ZFPM2: variants seen among roughly 807,000 people sequenced by gnomAD.
ZFPM2 encodes the protein zinc finger protein ZFPM2.
In ZFPM2, 20 loss-of-function variants were observed where a neutral mutation model predicts 98.6. That is an observed-to-expected ratio of 0.20 (90% confidence interval 0.14 to 0.29). The LOEUF is 0.29. Among genes scored for constraint, ZFPM2 ranks in the 10% least tolerant of loss-of-function variants. ZFPM2 has a pLI of 1.00. For synonymous variants in ZFPM2, 518 were observed against 502.7 expected (o/e 1.03, Z -0.41); for missense variants, 1,310 against 1,388.6 (o/e 0.94, Z 0.90).
At chr8:105,489,446 TTTTATATA>T (rs1269986760) in intron 3 of ZFPM2, among the ~76,000 whole-genome samples, 2 of 74,716 alleles carry the variant, frequency 2.7e-5, no homozygotes, top group African/African-American at 1.1e-4. Flanking sequence ...AGATATATGT[TTTTATATA>T]TATATATATA....
chr8:105,521,190 C>T (rs1814051240), intron 3 of ZFPM2, among the ~76,000 whole-genome samples: 1 of 151,856 alleles, frequency 6.6e-6, no homozygotes, highest in South Asian at 2.1e-4. Context: ...CACACCTCCC[C>T]CCCATACACA....
At chr8:105,575,860 G>T (rs1054909501) in intron 4 of ZFPM2, among the ~76,000 whole-genome samples, 1 of 152,076 alleles carries the variant, frequency 6.6e-6, no homozygotes, top group Non-Finnish European at 1.5e-5. Context: ...TCATAATGCT[G>T]ATTCCATTTT....
intron 3 of ZFPM2, among the ~76,000 whole-genome samples, chr8:105,528,461 A>C (rs568758899): frequency 6.6e-6 from 1 of 152,270 alleles, no homozygotes; most frequent in East Asian, 1.9e-4. Flanking sequence ...TCAGCATTTT[A>C]TACACAGGGA....
At chr8:105,334,809 T>C (rs1263982763) in intron 1 of ZFPM2, among the ~76,000 whole-genome samples, 2 of 151,704 alleles carry the variant, frequency 1.3e-5, no homozygotes, top group African/African-American at 4.8e-5. Context: ...AAATTGGCCC[T>C]GGGCCCAATG....
chr8:105,435,744 AT>A (rs1294186297), intron 2 of ZFPM2, among the ~76,000 whole-genome samples: 2 of 152,146 alleles, frequency 1.3e-5, no homozygotes, highest in Non-Finnish European at 2.9e-5. Flanking sequence ...ATAAAATTGT[AT>A]TTATAACTTT....
intron 1 of ZFPM2, among the ~76,000 whole-genome samples, chr8:105,353,864 T>G (rs1428750850): frequency 6.6e-6 from 1 of 152,220 alleles, no homozygotes; most frequent in Non-Finnish European, 1.5e-5. Context: ...TTGTTTGTTT[T>G]TAGTTTCTAG....
At chr8:105,586,530 C>T (rs756966901) in intron 4 of ZFPM2, among the ~76,000 whole-genome samples, 5 of 152,024 alleles carry the variant, frequency 3.3e-5, no homozygotes, top group Non-Finnish European at 7.4e-5. Context: ...TCAAGTGATT[C>T]ATCTGCCTCA....
intron 3 of ZFPM2, among the ~76,000 whole-genome samples, chr8:105,463,934 T>C (rs1268732073): frequency 1.3e-5 from 2 of 152,062 alleles, no homozygotes; most frequent in Non-Finnish European, 2.9e-5. Context: ...GCCATGAATT[T>C]TGTGAGGAAT....
At chr8:105,659,772 GATA>G (rs1332952242) in intron 5 of ZFPM2, among the ~76,000 whole-genome samples, 1 of 152,032 alleles carries the variant, frequency 6.6e-6, no homozygotes, top group African/African-American at 2.4e-5. Context: ...TTTAGACAAG[GATA>G]ATAATTTCTG....
At chr8:105,548,262 C>A (rs1814758888) in intron 3 of ZFPM2, among the ~76,000 whole-genome samples, 1 of 151,930 alleles carries the variant, frequency 6.6e-6, no homozygotes, top group South Asian at 2.1e-4. Context: ...ATATTAATTT[C>A]AGGAGTTCAT....
At position 105,729,839 on chromosome 8, in the gene ZFPM2, T is replaced by C. The variant is rs554657105; in HGVS notation, c.533-58879T>C. Among the ~76,000 whole-genome samples, 16 of 151,630 alleles carry C rather than the reference T, an allele frequency of 1.1e-4. No homozygotes were observed. The East Asian group carries it at 3.1e-3, about 30-fold the overall frequency. On this transcript the variant is annotated intron_variant, in intron 5 of 7. Coordinates refer to ENST00000407775, the MANE Select transcript of ZFPM2 (RefSeq NM_012082.4). ...AATTTGTTTTTCATTATGTGTCTAC[T>C]TGTGTTTGCACAGGTATATGCATAC...
chr8:105,406,732 C>A (rs1490302844), intron 1 of ZFPM2, among the ~76,000 whole-genome samples: 1 of 151,864 alleles, frequency 6.6e-6, no homozygotes, highest in African/African-American at 2.4e-5. Context: ...TTGAGAGTGG[C>A]GCTTGAAAGG....
intron 1 of ZFPM2, among the ~76,000 whole-genome samples, chr8:105,360,453 G>A (rs1812834623): frequency 6.6e-6 from 1 of 152,018 alleles, no homozygotes; most frequent in Non-Finnish European, 1.5e-5. Context: ...TTAAAAGAAT[G>A]GGGAACATAC....
intron 5 of ZFPM2, among the ~76,000 whole-genome samples, chr8:105,771,820 C>G (rs1194006036): frequency 1.3e-5 from 2 of 152,122 alleles, no homozygotes; most frequent in African/African-American, 4.8e-5. Context: ...GTTACAATGA[C>G]TTGGAGCCCC....
chr8:105,643,686 A>G (rs2130855139), intron 5 of ZFPM2, among the ~76,000 whole-genome samples: 1 of 152,314 alleles, frequency 6.6e-6, no homozygotes, highest in Middle Eastern at 3.4e-3. Context: ...AGCCCTCAGT[A>G]TACGTGGTCT....
rs1038812478 is a variant in ZFPM2 at position 105,639,127 on chromosome 8, G to C, written c.532+4770G>C. On this transcript the variant is annotated intron_variant, in intron 5 of 7. Transcript: ENST00000407775. ...CTGCTGGAGAGTAGGGTGAGCAAAG[G>C]CCTGCCCACTTACTCCTAAAATCCA... is the stretch of plus-strand genomic sequence containing the variant. Among the ~76,000 whole-genome samples, 51 of 151,948 alleles carry C rather than the reference G, an allele frequency of 3.4e-4. 1 individual carries two copies. Among genetic ancestry groups the C allele is most frequent in the Admixed American group, 2.0e-4 (3 of 15,228 alleles).
chr8:105,631,008 T>C (rs1399208878), intron 4 of ZFPM2, among the ~76,000 whole-genome samples: 1 of 152,192 alleles, frequency 6.6e-6, no homozygotes, highest in African/African-American at 2.4e-5. Context: ...GAAACAAAGC[T>C]AATATAAATA....
chr8:105,598,678 T>G (rs1816024614), intron 4 of ZFPM2, among the ~76,000 whole-genome samples: 1 of 152,134 alleles, frequency 6.6e-6, no homozygotes, highest in African/African-American at 2.4e-5. Context: ...CTTTCTACAT[T>G]TGCCTCCTTG....
chr8:105,336,800 G>T (rs934247873), intron 1 of ZFPM2, among the ~76,000 whole-genome samples: 3 of 148,650 alleles, frequency 2.0e-5, no homozygotes, highest in African/African-American at 7.4e-5. Flanking sequence ...TAGATGTATA[G>T]ATATAGATAT....
Sources: allele counts gnomAD v4.1 joint callset (sites outside exome capture counted in the v4.1 genomes callset), GRCh38; gene constraint gnomAD v4.1.1; transcripts MANE v1.5; gene names NCBI Gene and HGNC (gene_info 2026-07-23, HGNC 2026-07-21).